The following TMEM132D variants were observed in gnomAD, a reference collection of about 807,000 sequenced individuals.
TMEM132D encodes transmembrane protein 132D.
A neutral mutation model predicts 62.3 loss-of-function variants in TMEM132D; 21 were observed. The observed-to-expected ratio is 0.34, with a 90% confidence interval of 0.24 to 0.49. The LOEUF (loss-of-function observed/expected upper bound fraction) is 0.49. Ranked by LOEUF, TMEM132D falls within the 20% of genes least tolerant of loss-of-function variation. TMEM132D has a pLI of 0.99. For synonymous variants in TMEM132D, 621 were observed against 575.6 expected (o/e 1.08, Z -1.13); for missense variants, 1,346 against 1,402.8 (o/e 0.96, Z 0.65).
rs942473138 is a variant in TMEM132D at position 129,333,807 on chromosome 12, C to T, written c.1299+3827G>A. ...CGGGATGGAGAGGAGCACACTCTCC[C>T]CTTTCCCACTTATAAAATATAAAAA... On this transcript the variant is annotated intron_variant, in intron 4 of 8. Transcript: ENST00000422113. Among the ~76,000 whole-genome samples the T allele has an allele frequency of 3.9e-5, 6 of 152,120 alleles. No individual in the cohort carries two copies. In the East Asian group the frequency reaches 9.6e-4, roughly 24 times the overall value.
At chr12:129,706,444 A>T (rs1026657912) in intron 1 of TMEM132D, among the ~76,000 whole-genome samples, 8 of 152,040 alleles carry the variant, frequency 5.3e-5, no homozygotes, top group Admixed American at 2.6e-4. Flanking sequence ...ATGCATAAAT[A>T]GTTGTAGATA....
At chr12:129,697,753 G>A (rs1343529193) in intron 2 of TMEM132D, among the ~76,000 whole-genome samples, 1 of 152,172 alleles carries the variant, frequency 6.6e-6, no homozygotes, top group Non-Finnish European at 1.5e-5. Context: ...CTCATATTGT[G>A]CAGCCACACA....
intron 1 of TMEM132D, among the ~76,000 whole-genome samples, chr12:129,736,734 A>T (rs1015292206): frequency 3.4e-4 from 52 of 152,192 alleles, no homozygotes; most frequent in Non-Finnish European, 7.3e-4. Context: ...TTAAGAGAGA[A>T]AGACAATCTT....
At chr12:129,593,564 G>A (rs1263386169) in intron 2 of TMEM132D, among the ~76,000 whole-genome samples, 3 of 152,158 alleles carry the variant, frequency 2.0e-5, no homozygotes, top group Non-Finnish European at 4.4e-5. Flanking sequence ...GATGTGAAGG[G>A]TGGGTTAAAA....
chr12:129,669,618 T>G (rs372526877), intron 2 of TMEM132D, among the ~76,000 whole-genome samples: 15 of 152,034 alleles, frequency 9.9e-5, no homozygotes, highest in African/African-American at 3.6e-4. Context: ...GGCAGGAGAA[T>G]CACTTGAACC....
chr12:129,314,881 TTATC>T (rs995510264), intron 4 of TMEM132D, among the ~76,000 whole-genome samples: 21 of 152,042 alleles, frequency 1.4e-4, no homozygotes, highest in Admixed American at 7.9e-4. Flanking sequence ...ATTTATTTAT[TTATC>T]TATCTATTTA....
At chr12:129,402,557 G>A (rs1008819630) in intron 3 of TMEM132D, among the ~76,000 whole-genome samples, 1 of 152,098 alleles carries the variant, frequency 6.6e-6, no homozygotes, top group East Asian at 1.9e-4. Context: ...TTGGTACAAG[G>A]ACAGGCACCA....
intron 3 of TMEM132D, among the ~76,000 whole-genome samples, chr12:129,444,105 T>A (rs1032442400): frequency 1.3e-5 from 2 of 151,930 alleles, no homozygotes; most frequent in African/African-American, 4.8e-5. Flanking sequence ...CAGAGAAAAA[T>A]TCACTCAAGA....
At chr12:129,163,575 C>A (rs970990759) in intron 5 of TMEM132D, among the ~76,000 whole-genome samples, 1 of 152,210 alleles carries the variant, frequency 6.6e-6, no homozygotes, top group South Asian at 2.1e-4. Flanking sequence ...TGCTGCTGGG[C>A]AGTGGTGGGT....
At chr12:129,561,922 C>T (rs1300295118) in intron 2 of TMEM132D, among the ~76,000 whole-genome samples, 1 of 152,142 alleles carries the variant, frequency 6.6e-6, no homozygotes, top group Non-Finnish European at 1.5e-5. Context: ...GGACAGTATC[C>T]GTTTGAACTG....
At chr12:129,142,441 A>G (rs920888151) in intron 5 of TMEM132D, among the ~76,000 whole-genome samples, 8 of 152,180 alleles carry the variant, frequency 5.3e-5, no homozygotes, top group African/African-American at 1.9e-4. Context: ...CTGGCTTTAT[A>G]TCCTTTATAT....
chr12:129,252,970 C>G (rs950283091), intron 4 of TMEM132D, among the ~76,000 whole-genome samples: 8 of 143,446 alleles, frequency 5.6e-5, no homozygotes, highest in African/African-American at 2.1e-4. Flanking sequence ...CAAGTTCTCA[C>G]TCATAGGTGG....
At chr12:129,314,678 G>C (rs187415019) in intron 4 of TMEM132D, among the ~76,000 whole-genome samples, 21 of 152,272 alleles carry the variant, frequency 1.4e-4, no homozygotes, top group South Asian at 4.1e-4. Context: ...TATTTTGATG[G>C]AGATTGCATT....
rs1240591921 is a variant in TMEM132D at position 129,605,628 on chromosome 12, C to CATATAT, written c.969-74424_969-74423insATATAT. Reference sequence around the variant, plus strand: ...ATACACACACATATATATATACACACACACACACACACACACACAAATATA... The same window carrying CATATAT: ...ATACACACACATATATATATACACACATATATACACACACACACACACACAAATATA... On this transcript the variant is annotated intron_variant, in intron 2 of 8. Coordinates refer to ENST00000422113, the MANE Select transcript of TMEM132D (RefSeq NM_133448.3). 2.4e-4 allele frequency among the ~76,000 whole-genome samples: 27 copies of CATATAT among 110,762 alleles called. 2 individuals carry two copies. The highest frequency in any genetic ancestry group is 9.1e-4 in the African/African-American group (27 of 29,606). The allele number at this position is 110,762 out of a possible 152,430, so 72.7% of individuals were successfully genotyped here.
intron 2 of TMEM132D, among the ~76,000 whole-genome samples, chr12:129,627,007 T>C (rs1457860758): frequency 1.3e-5 from 2 of 152,068 alleles, no homozygotes; most frequent in African/African-American, 2.4e-5. Context: ...CGATATGCAA[T>C]GAAGAATTGG....
At chr12:129,335,176 G>T (rs1243960398) in intron 4 of TMEM132D, among the ~76,000 whole-genome samples, 1 of 128,442 alleles carries the variant, frequency 7.8e-6, no homozygotes, top group African/African-American at 3.0e-5. Context: ...CTGTCACACA[G>T]GCTGGAGTGC....
intron 3 of TMEM132D, among the ~76,000 whole-genome samples, chr12:129,389,575 A>G (rs1245669638): frequency 1.3e-5 from 2 of 151,428 alleles, no homozygotes; most frequent in African/African-American, 4.9e-5. Flanking sequence ...ACAAACACCA[A>G]TACCAACACT....
At chr12:129,464,823 T>C (rs1873827422) in intron 3 of TMEM132D, among the ~76,000 whole-genome samples, 1 of 152,184 alleles carries the variant, frequency 6.6e-6, no homozygotes, top group Non-Finnish European at 1.5e-5. Context: ...TCTGTTCCAT[T>C]GATCTATATC....
chr12:129,171,192 T>G (rs1586394), intron 5 of TMEM132D, among the ~76,000 whole-genome samples: 89,510 of 152,074 alleles, frequency 0.59, 28,840 homozygotes, highest in Non-Finnish European at 0.74. Context: ...TCCCCAGGAG[T>G]AGATTCCATC....
Sources: allele counts gnomAD v4.1 joint callset (sites outside exome capture counted in the v4.1 genomes callset), GRCh38; gene constraint gnomAD v4.1.1; transcripts MANE v1.5; gene names NCBI Gene and HGNC (gene_info 2026-07-23, HGNC 2026-07-21).